Variants in PCDHA3 observed in about 807,000 individuals in gnomAD.
PCDHA3 encodes protocadherin alpha 3, also known as protocadherin alpha-3.
A neutral mutation model predicts 62.2 loss-of-function variants in PCDHA3; 41 were observed. The ratio of observed to expected loss-of-function variants is 0.66; its 90% confidence interval spans 0.51 to 0.86. PCDHA3 has a LOEUF of 0.86. Among genes scored for constraint, PCDHA3 ranks in the 40% least tolerant of loss-of-function variants. PCDHA3 has a pLI of 0.00. For synonymous variants in PCDHA3, 640 were observed against 555.4 expected, an observed-to-expected ratio of 1.15 and a Z score of -2.14; for missense variants, 1,304 against 1,241.2, an observed-to-expected ratio of 1.05 and a Z score of -0.76.
intron 1 of PCDHA3, chr5:140,866,744 A>G (rs980107592): frequency 1.3e-5 from 2 of 152,180 alleles, no homozygotes; most frequent in African/African-American, 2.4e-5. Flanking sequence ...TAATACTTAT[A>G]TGACTAACAG....
intron 1 of PCDHA3, among the ~76,000 whole-genome samples, chr5:140,940,470 AT>A (rs201096499): frequency 2.7e-5 from 4 of 149,646 alleles, no homozygotes; most frequent in South Asian, 2.1e-4. Flanking sequence ...GTTCCCTGCA[AT>A]TTTTTTTTTC....
At chr5:140,848,593 A>G in intron 1 of PCDHA3, 1 of 1,593,964 alleles carries the variant, frequency 6.3e-7, no homozygotes, top group Non-Finnish European at 8.6e-7. Flanking sequence ...CAGCTCCACT[A>G]CTCCGTCCCG....
At chr5:140,857,915 G>C in intron 1 of PCDHA3, 4 of 1,597,912 alleles carry the variant, frequency 2.5e-6, no homozygotes, top group Non-Finnish European at 3.4e-6. Context: ...CCCGTTTCGC[G>C]TGGGGCTGTA....
At chr5:140,854,950 C>A (rs1427267019) in intron 1 of PCDHA3, among the ~76,000 whole-genome samples, 1 of 149,714 alleles carries the variant, frequency 6.7e-6, no homozygotes, top group African/African-American at 2.4e-5. Context: ...TAATAAATTT[C>A]TTAATTACTT....
In PCDHA3 at chr5:141,010,204, C is replaced by G. The variant is rs1238256859; in HGVS notation, c.*267C>G. ...GACCCAAGTTTCCTTTCTCCTCCGC[C>G]GCAAAGGAGAGGCTTCCCAGCCCCG... On this transcript the variant is annotated 3_prime_UTR_variant, in exon 4 of 4. Transcript: ENST00000522353. 1.3e-5 allele frequency: 20 copies of G among 1,551,852 alleles called. No homozygotes were observed. Among genetic ancestry groups the G allele is most frequent in the Non-Finnish European group, 1.7e-5 (20 of 1,147,056 alleles).
intron 1 of PCDHA3, chr5:140,967,059 C>A (rs2153750398): frequency 6.2e-7 from 1 of 1,612,750 alleles, no homozygotes; most frequent in Non-Finnish European, 8.5e-7. Context: ...ACGAGTGGAG[C>A]GCTCTTCGTC....
At chr5:140,967,792 A>G (rs371669028) in intron 1 of PCDHA3, 4 of 1,614,212 alleles carry the variant, frequency 2.5e-6, no homozygotes, top group Non-Finnish European at 3.4e-6. Context: ...ACCGGGGTCC[A>G]GTGCCCATGG....
At position 140,856,940 on chromosome 5, in the gene PCDHA3, AC is replaced by A. The variant is rs782681005; in HGVS notation, c.2394+53350del. ...AAGGAAATTTTGGATAAACGAAAGGACGGGAGAAATAAAAGTAAATGATGCT... is the reference window on the plus strand; with the variant it reads ...AAGGAAATTTTGGATAAACGAAAGGAGGGAGAAATAAAAGTAAATGATGCT... On this transcript the variant is annotated intron_variant, in intron 1 of 3. Transcript: ENST00000522353. The A allele has an allele frequency of 1.9e-5, 30 of 1,593,712 alleles. No individual in the cohort carries two copies. In the South Asian group the frequency reaches 3.3e-4, roughly 18 times the overall value.
At chr5:140,964,802 GA>G (rs1187447949) in intron 1 of PCDHA3, among the ~76,000 whole-genome samples, 2 of 151,946 alleles carry the variant, frequency 1.3e-5, no homozygotes, top group African/African-American at 4.8e-5. Context: ...CCCAAGAAAG[GA>G]GACAGGAATA....
At chr5:140,897,356 C>T (rs1554187343) in intron 1 of PCDHA3, among the ~76,000 whole-genome samples, 1 of 134,770 alleles carries the variant, frequency 7.4e-6, no homozygotes, top group African/African-American at 2.8e-5. Flanking sequence ...ACAACTGTCC[C>T]CAGAGTGTGA....
At chr5:140,967,790 C>T in intron 1 of PCDHA3, 1 of 1,614,188 alleles carries the variant, frequency 6.2e-7, no homozygotes, top group Non-Finnish European at 8.5e-7. Flanking sequence ...TGACCGGGGT[C>T]CAGTGCCCAT....
At chr5:140,921,301 C>T (rs1227923324) in intron 1 of PCDHA3, among the ~76,000 whole-genome samples, 1 of 151,954 alleles carries the variant, frequency 6.6e-6, no homozygotes. Flanking sequence ...TTGCTGAATG[C>T]CATTGTATTA....
chr5:140,846,369 CTTTCTTT>C (rs1320771612), intron 1 of PCDHA3, among the ~76,000 whole-genome samples: 4 of 102,192 alleles, frequency 3.9e-5, no homozygotes, highest in African/African-American at 3.8e-5. Flanking sequence ...TCTTTTCTTT[CTTTCTTT>C]TTTTTTTTTT....
chr5:140,988,299 G>A (rs2097291981), intron 3 of PCDHA3, among the ~76,000 whole-genome samples: 2 of 152,218 alleles, frequency 1.3e-5, no homozygotes, highest in Non-Finnish European at 2.9e-5. Context: ...GCCCAGGAGT[G>A]CCAGCTTGGC....
intron 1 of PCDHA3, among the ~76,000 whole-genome samples, chr5:140,831,469 C>T (rs2150194603): frequency 8.2e-6 from 1 of 122,106 alleles, no homozygotes; most frequent in Non-Finnish European, 1.7e-5. Flanking sequence ...AAGTGATTCT[C>T]TCACCTCAGC....
In PCDHA3 at chr5:140,870,004, G is replaced by T. The variant is rs374513388; in HGVS notation, c.2394+66413G>T. 129 of 1,613,494 alleles carry T rather than the reference G, an allele frequency of 8.0e-5. No homozygotes were observed. Among genetic ancestry groups the T allele is most frequent in the Non-Finnish European group, 1.1e-4 (126 of 1,179,842 alleles). The stretch of plus-strand genomic sequence containing the variant: ...TACACTAGATCAAAATAATGGAGAA[G>T]TGAGGGTCAATGGAACTTTAGATTA... On this transcript the variant is annotated intron_variant, in intron 1 of 3. Coordinates refer to ENST00000522353, the MANE Select transcript of PCDHA3 (RefSeq NM_018906.3).
chr5:140,861,046 A>G (rs2046732410), intron 1 of PCDHA3: 1 of 152,256 alleles, frequency 6.6e-6, no homozygotes, highest in African/African-American at 2.4e-5. Context: ...ATTTTTTTTA[A>G]CAGAAGAAAA....
At chr5:140,987,941 G>A (rs1554249697) in intron 3 of PCDHA3, among the ~76,000 whole-genome samples, 1 of 152,104 alleles carries the variant, frequency 6.6e-6, no homozygotes, top group African/African-American at 2.4e-5. Flanking sequence ...ATTCTTACCT[G>A]TCTGACAAAA....
At chr5:141,005,479 G>A (rs371636060) in intron 3 of PCDHA3, among the ~76,000 whole-genome samples, 43 of 151,818 alleles carry the variant, frequency 2.8e-4, no homozygotes, top group Non-Finnish European at 2.6e-4. Context: ...CGAGACGGGC[G>A]GATCATGAGG....
Sources: gnomAD v4.1 joint callset for allele counts (sites outside exome capture counted in the v4.1 genomes callset) on GRCh38, gnomAD v4.1.1 for gene constraint, MANE v1.5 for transcripts, NCBI Gene and HGNC (gene_info 2026-07-23, HGNC 2026-07-21) for gene names.